Variants in GRIK3 observed in about 807,000 individuals in gnomAD.
GRIK3 encodes glutamate ionotropic receptor kainate type subunit 3.
In GRIK3, 29 loss-of-function variants were observed where a neutral mutation model predicts 102.5. That is an observed-to-expected ratio of 0.28 (90% confidence interval 0.21 to 0.39). The LOEUF is 0.39. Among genes scored for constraint, GRIK3 ranks in the 10% least tolerant of loss-of-function variants. The pLI is 1.00. For synonymous variants in GRIK3, 511 were observed against 504.9 expected, an observed-to-expected ratio of 1.01 and a Z score of -0.16; for missense variants, 908 against 1,252.4, an observed-to-expected ratio of 0.73 and a Z score of 4.15.
intron 9 of GRIK3, among the ~76,000 whole-genome samples, chr1:36,844,849 A>T (rs1640502076): frequency 6.6e-6 from 1 of 152,160 alleles, no homozygotes; most frequent in African/African-American, 2.4e-5. Flanking sequence ...AATGCATCAA[A>T]GGTTAAAACT....
chr1:37,006,264 T>A (rs747610751), intron 1 of GRIK3, among the ~76,000 whole-genome samples: 1 of 152,200 alleles, frequency 6.6e-6, no homozygotes, highest in Non-Finnish European at 1.5e-5. Flanking sequence ...GGGGCAGAGC[T>A]TCTCCTCCTG....
chr1:36,966,048 G>A (rs949252015), intron 1 of GRIK3, among the ~76,000 whole-genome samples: 5 of 152,192 alleles, frequency 3.3e-5, no homozygotes, highest in Admixed American at 6.5e-5. Flanking sequence ...AGCCCCACCC[G>A]TGACACCTGT....
chr1:36,859,730 G>C, intron 6 of GRIK3, 114 bp downstream of exon 6: 1 of 851,928 alleles, frequency 1.2e-6, no homozygotes, highest in Non-Finnish European at 1.9e-6. Context: ...CTGACACATG[G>C]AAGGTCTCAA....
chr1:36,873,273 T>C (rs1353185863), intron 3 of GRIK3, among the ~76,000 whole-genome samples: 1 of 152,172 alleles, frequency 6.6e-6, no homozygotes, highest in East Asian at 1.9e-4. Flanking sequence ...TTGTTTTTCC[T>C]CCCACACTGA....
intron 1 of GRIK3, among the ~76,000 whole-genome samples, chr1:36,969,740 G>T (rs1642121798): frequency 6.6e-6 from 1 of 152,242 alleles, no homozygotes; most frequent in South Asian, 2.1e-4. Flanking sequence ...GGAACTCACA[G>T]AGTTCAATGC....
intron 8 of GRIK3, among the ~76,000 whole-genome samples, chr1:36,852,826 G>GT (rs905349666): frequency 1.3e-5 from 2 of 152,180 alleles, no homozygotes; most frequent in Non-Finnish European, 2.9e-5. Flanking sequence ...TGGGGACAGA[G>GT]TGTGGCTGAG....
In GRIK3 at chr1:36,830,495, G is replaced by A. The variant is rs572164178; in HGVS notation, c.1531-4669C>T. ...AATGAGGGTGGGCCCCAAATCCAAC[G>A]ACTGGTGTCCGTATAAGAAGAGGAA... On this transcript the variant is annotated intron_variant, in intron 10 of 15. Coordinates refer to ENST00000373091, the MANE Select transcript of GRIK3 (RefSeq NM_000831.4). 1.4e-4 allele frequency among the ~76,000 whole-genome samples: 21 copies of A among 152,200 alleles called. No homozygotes were observed. In the South Asian group the frequency reaches 4.1e-3, roughly 30 times the overall value.
chr1:36,922,949 G>T (rs966013731), intron 1 of GRIK3, among the ~76,000 whole-genome samples: 2 of 152,184 alleles, frequency 1.3e-5, no homozygotes, highest in Admixed American at 6.5e-5. Flanking sequence ...TGTATTGCAG[G>T]GTTGCAGCCT....
chr1:36,965,651 C>T (rs1642070486), intron 1 of GRIK3, among the ~76,000 whole-genome samples: 1 of 152,148 alleles, frequency 6.6e-6, no homozygotes, highest in Non-Finnish European at 1.5e-5. Context: ...GACCCACAGG[C>T]CTCCAGACTT....
chr1:36,988,847 C>T (rs537631806), intron 1 of GRIK3, among the ~76,000 whole-genome samples: 4 of 152,294 alleles, frequency 2.6e-5, no homozygotes, highest in African/African-American at 7.2e-5. Context: ...TTCCCAGCTG[C>T]GGTGATTTAA....
chr1:37,034,054 G>A lies in GRIK3; in HGVS notation c.55C>T (p.Leu19Phe), dbSNP rs1461802854. 6.2e-7 allele frequency: 1 copy of A among 1,606,274 alleles called. No homozygotes were observed. The highest frequency in any genetic ancestry group is 8.5e-7 in the Non-Finnish European group (1 of 1,177,164). ...GGGATCCAGAAGGCGCACACGAGGAGCCCGGCCCAGTATTCCCAAACCAGA... is the reference window on the plus strand; with the variant it reads ...GGGATCCAGAAGGCGCACACGAGGAACCCGGCCCAGTATTCCCAAACCAGA... ...RSLVWEYWAGLLVCAFWIPDS... is the reference protein window; with the variant it reads ...RSLVWEYWAGFLVCAFWIPDS... Residue 19 changes from leucine (L) to phenylalanine (F), a missense_variant, in exon 1 of 16, where the codon CTC becomes TTC. Physicochemically the swap from Leu to Phe is conservative, Grantham distance 22. Around this residue, in one of 3 missense-constraint regions of GRIK3, gnomAD observed 585 missense variants for 824.9 expected, o/e 0.71. Coordinates refer to ENST00000373091, the MANE Select transcript of GRIK3 (RefSeq NM_000831.4).
intron 1 of GRIK3, among the ~76,000 whole-genome samples, chr1:37,000,333 A>G (rs943566616): frequency 6.6e-6 from 1 of 152,238 alleles, no homozygotes; most frequent in African/African-American, 2.4e-5. Flanking sequence ...AGCATTTACT[A>G]TGTGCCATGT....
At chr1:36,977,561 TAAA>T (rs1642207652) in intron 1 of GRIK3, among the ~76,000 whole-genome samples, 1 of 152,148 alleles carries the variant, frequency 6.6e-6, no homozygotes, top group Non-Finnish European at 1.5e-5. Context: ...ATTAAGAGAA[TAAA>T]GCCATTCCCC....
rs148490736 is a variant in GRIK3, at chr1:36,890,075, C to T, written c.292+845G>A. On this transcript the variant is annotated intron_variant, in intron 2 of 15. Coordinates refer to ENST00000373091, the MANE Select transcript of GRIK3 (RefSeq NM_000831.4). ...GACACAACAGCAGAGAGAGGGGTCA[C>T]GGGTGAAGGATCACTCTTCGGATGA... Among the ~76,000 whole-genome samples, 112 of 152,122 alleles carry T rather than the reference C, an allele frequency of 7.4e-4. 1 individual carries two copies. The highest frequency in any genetic ancestry group is 3.5e-4 in the Non-Finnish European group (24 of 68,002).
intron 2 of GRIK3, among the ~76,000 whole-genome samples, chr1:36,887,092 T>C (rs1429455054): frequency 1.3e-5 from 2 of 152,184 alleles, no homozygotes; most frequent in African/African-American, 4.8e-5. Context: ...TACTGCCAAA[T>C]AGTTCTCCTA....
At chr1:36,916,763 A>T (rs1378391948) in intron 1 of GRIK3, among the ~76,000 whole-genome samples, 1 of 152,150 alleles carries the variant, frequency 6.6e-6, no homozygotes, top group African/African-American at 2.4e-5. Flanking sequence ...ATGTATGGAA[A>T]CACCTGGATG....
intron 1 of GRIK3, among the ~76,000 whole-genome samples, chr1:36,947,704 A>G (rs1266119068): frequency 6.6e-6 from 1 of 151,868 alleles, no homozygotes; most frequent in Non-Finnish European, 1.5e-5. Flanking sequence ...TCAAAGCACT[A>G]TCAGCAGCTG....
chr1:36,824,614 C>G (rs1557693681), intron 11 of GRIK3, among the ~76,000 whole-genome samples: 2 of 152,164 alleles, frequency 1.3e-5, no homozygotes. Flanking sequence ...CATTGGATCT[C>G]AAATTGCCTC....
At chr1:36,906,432 A>G (rs974559700) in intron 1 of GRIK3, among the ~76,000 whole-genome samples, 9 of 152,230 alleles carry the variant, frequency 5.9e-5, no homozygotes, top group Non-Finnish European at 1.3e-4. Flanking sequence ...TGCATGGCAC[A>G]TGGCAAGGAC....
Sources: allele counts gnomAD v4.1 joint callset (sites outside exome capture counted in the v4.1 genomes callset), GRCh38; gene constraint gnomAD v4.1.1; regional missense constraint gnomAD v4.1.1; transcripts MANE v1.5; gene names NCBI Gene and HGNC (gene_info 2026-07-23, HGNC 2026-07-21).